Variants in TOGARAM2 observed in about 807,000 individuals in gnomAD.
TOGARAM2 encodes TOG array regulator of axonemal microtubules protein 2.
A neutral mutation model predicts 93.3 loss-of-function variants in TOGARAM2; 85 were observed. That is an observed-to-expected ratio of 0.91 (90% confidence interval 0.76 to 1.09). The LOEUF (loss-of-function observed/expected upper bound fraction) is 1.09, where lower values mean the gene tolerates loss of function less well. Ranked by LOEUF, TOGARAM2 falls within the 50% of genes least tolerant of loss-of-function variation. The pLI is 0.00. For missense variants in TOGARAM2, 1,277 were observed against 1,334.5 expected (o/e 0.96, Z 0.67); for synonymous variants, 593 against 552.8 (o/e 1.07, Z -1.02).
chr2:29,045,256 C>T, intron 18 of TOGARAM2, 68 bp from the exon 19 acceptor site: 2 of 1,346,560 alleles, frequency 1.5e-6, no homozygotes, highest in South Asian at 1.3e-5. Flanking sequence ...GTATGTGGCC[C>T]TGCAAACCCC....
At chr2:29,038,252 T>C (rs1017801500) in intron 18 of TOGARAM2, among the ~76,000 whole-genome samples, 2 of 152,142 alleles carry the variant, frequency 1.3e-5, no homozygotes, top group Non-Finnish European at 1.5e-5. Flanking sequence ...TTCTCCCTTC[T>C]GGGACAGGGC....
chr2:28,987,134 T>C (rs1162285404), intron 1 of TOGARAM2, among the ~76,000 whole-genome samples: 1 of 152,242 alleles, frequency 6.6e-6, no homozygotes, highest in Non-Finnish European at 1.5e-5. Context: ...AAAATGAAGA[T>C]GAAAATACAT....
In TOGARAM2 at chr2:29,022,182, C is replaced by T. The variant is rs202161483; in HGVS notation, c.1385C>T (p.Thr462Met). The T allele has an allele frequency of 5.7e-5, 92 of 1,614,008 alleles. No homozygotes were observed. In the East Asian group the frequency reaches 1.2e-3, roughly 22 times the overall value. Residue 462 changes from threonine (T) to methionine (M), a missense_variant, in exon 11 of 20, where the codon ACG becomes ATG. Coordinates refer to ENST00000379558, the MANE Select transcript of TOGARAM2 (RefSeq NM_199280.4). ...GCTAACTCATTACCTGCGGTGCTCACGTTGGGGTCTCCTGAATGGGAAGAA... is the reference window on the plus strand; with the variant it reads ...GCTAACTCATTACCTGCGGTGCTCATGTTGGGGTCTCCTGAATGGGAAGAA... ...ASANSLPAVL[T>M]LGSPEWEEEE...
Position 29,017,275 on chromosome 2 carries a change from T to C in TOGARAM2, c.1166T>C (p.Leu389Pro), listed in dbSNP as rs779592142. The C allele has an allele frequency of 6.2e-7, 1 of 1,612,016 alleles. No homozygotes were observed. The highest frequency in any genetic ancestry group is 2.2e-5 in the East Asian group (1 of 44,806). ...GGGCAGGAGCTCACTTCCCAGTGCC[T>C]GGGCTCCCAGAGAGCCTTCATGAAG... ...RTGQELTSQC[L>P]GSQRAFMKEG... Residue 389 changes from leucine (L) to proline (P), a missense_variant, in exon 9 of 20, where the codon CTG (leucine) becomes CCG (proline). Coordinates refer to ENST00000379558, the MANE Select transcript of TOGARAM2 (RefSeq NM_199280.4).
intron 18 of TOGARAM2, among the ~76,000 whole-genome samples, chr2:29,038,946 C>A (rs1666273688): frequency 6.6e-6 from 1 of 152,176 alleles, no homozygotes; most frequent in Non-Finnish European, 1.5e-5. Flanking sequence ...ACAAGGGGGA[C>A]TCATTGCCAG....
intron 1 of TOGARAM2, among the ~76,000 whole-genome samples, chr2:28,988,603 C>T (rs947503975): frequency 3.9e-5 from 6 of 152,164 alleles, no homozygotes; most frequent in Admixed American, 3.9e-4. Flanking sequence ...CTGAAAAATA[C>T]AGAGAACAAA....
rs1462129771 is a variant in TOGARAM2, at chr2:29,023,151, C to T, written c.1577C>T (p.Thr526Ile). Residue 526 changes from threonine (T) to isoleucine (I), a missense_variant, in exon 12 of 20, where the codon ACC (threonine) becomes ATC (isoleucine). Transcript: ENST00000379558. ...RLAACHSEVL[T>I]GKLHDVCLVV... is the part of the protein sequence containing the mutation. ...GCAGCCTGTCACTCAGAGGTCCTCACCGGGAAGCTGCACGACGTGTGCTTG... is the reference window on the plus strand; with the variant it reads ...GCAGCCTGTCACTCAGAGGTCCTCATCGGGAAGCTGCACGACGTGTGCTTG... 3 of 1,601,104 alleles carry T rather than the reference C, an allele frequency of 1.9e-6. No individual in the cohort carries two copies. The highest frequency in any genetic ancestry group is 3.4e-5 in the Admixed American group (2 of 58,088).
intron 1 of TOGARAM2, among the ~76,000 whole-genome samples, chr2:28,967,820 T>TC (rs1324200082): frequency 6.8e-6 from 1 of 148,074 alleles, no homozygotes; most frequent in Non-Finnish European, 1.5e-5. Flanking sequence ...TTTTTTTTTT[T>TC]TTTAGATGGA....
rs558490954 is a variant in TOGARAM2, at chr2:29,028,905, G to A, written c.2012+1894G>A. ...AATGAGGAATATCAGTGGAGAAGTG[G>A]AAGGTTTTGCTTACTCCTGCAAGAA... is the stretch of plus-strand genomic sequence containing the variant. On this transcript the variant is annotated intron_variant, in intron 14 of 19. Coordinates refer to ENST00000379558, the MANE Select transcript of TOGARAM2 (RefSeq NM_199280.4). Among the ~76,000 whole-genome samples the A allele has an allele frequency of 1.3e-4, 20 of 152,320 alleles. No individual in the cohort carries two copies. The East Asian group carries it at 3.9e-3, about 29-fold the overall frequency.
Position 29,036,667 on chromosome 2 carries a change from A to G in TOGARAM2, c.2545A>G (p.Ile849Val). ...ESLHPMLLSI[I>V]ITVADNLNSK... Reference sequence around the variant, plus strand: ...CTTACACCCCATGCTGCTCTCCATCATCATCACTGTTGCAGACAACCTCAA... The same window carrying G: ...CTTACACCCCATGCTGCTCTCCATCGTCATCACTGTTGCAGACAACCTCAA... Residue 849 changes from isoleucine to valine, a missense_variant, in exon 18 of 20, where the codon ATC becomes GTC. Coordinates refer to ENST00000379558, the MANE Select transcript of TOGARAM2 (RefSeq NM_199280.4). 1.9e-6 allele frequency: 3 copies of G among 1,613,928 alleles called. No homozygotes were observed. The highest frequency in any genetic ancestry group is 2.5e-6 in the Non-Finnish European group (3 of 1,179,874).
At chr2:29,019,873 C>A (rs1479787090) in intron 10 of TOGARAM2, among the ~76,000 whole-genome samples, 1 of 151,960 alleles carries the variant, frequency 6.6e-6, no homozygotes, top group Admixed American at 6.5e-5. Flanking sequence ...ACCTGCTTGT[C>A]CTCCTGATTC....
chr2:29,042,723 C>T (rs1359707341), intron 18 of TOGARAM2, among the ~76,000 whole-genome samples: 2 of 152,208 alleles, frequency 1.3e-5, no homozygotes, highest in African/African-American at 4.8e-5. Flanking sequence ...GGGCACAAGC[C>T]GTTTCCTAGC....
chr2:28,993,651 G>T (rs1322745480), intron 1 of TOGARAM2, among the ~76,000 whole-genome samples: 1 of 152,226 alleles, frequency 6.6e-6, no homozygotes, highest in African/African-American at 2.4e-5. Context: ...CATGTCTTGA[G>T]GTTCTAAGCA....
chr2:28,957,676 T>C (rs150173714), intron 1 of TOGARAM2, among the ~76,000 whole-genome samples: 43 of 152,240 alleles, frequency 2.8e-4, no homozygotes, highest in African/African-American at 9.9e-4. Flanking sequence ...TTGGGCAACA[T>C]TGATAAGGTT....
intron 2 of TOGARAM2, among the ~76,000 whole-genome samples, chr2:28,996,095 G>A (rs1225148973): frequency 6.6e-6 from 1 of 152,082 alleles, no homozygotes; most frequent in African/African-American, 2.4e-5. Flanking sequence ...GGAGAGGGAG[G>A]GCTTCTCTTT....
chr2:28,959,870 T>C (rs1347317352), intron 1 of TOGARAM2, among the ~76,000 whole-genome samples: 2 of 152,236 alleles, frequency 1.3e-5, no homozygotes. Context: ...TTAGGTGAAA[T>C]TGTGTCATTG....
At chr2:29,005,315 G>A (rs1468737957) in intron 6 of TOGARAM2, among the ~76,000 whole-genome samples, 1 of 122,066 alleles carries the variant, frequency 8.2e-6, no homozygotes, top group South Asian at 3.0e-4. Flanking sequence ...TGTGGGGTAT[G>A]TGTGCATGTG....
intron 1 of TOGARAM2, among the ~76,000 whole-genome samples, chr2:28,975,625 A>T (rs1019845094): frequency 6.6e-6 from 1 of 152,218 alleles, no homozygotes; most frequent in Non-Finnish European, 1.5e-5. Context: ...GCGCTGCATC[A>T]TTGATTGCCT....
chr2:29,045,242 G>A lies in TOGARAM2; in HGVS notation c.2636-82G>A, dbSNP rs538661828. ...AAGGCCTCATCCCCTTGCAGGTACT[G>A]TGGGTATGTGGCCCTGCAAACCCCT... On this transcript the variant is annotated intron_variant, in intron 18 of 19. Transcript: ENST00000379558. The A allele has an allele frequency of 8.2e-5, 89 of 1,080,078 alleles. No individual in the cohort carries two copies. The African/African-American group carries it at 1.2e-3, about 15-fold the overall frequency. 66.9% of individuals were successfully genotyped at this position (1,080,078 alleles called of 1,614,324 possible).
Sources: gnomAD v4.1 joint callset for allele counts (sites outside exome capture counted in the v4.1 genomes callset) on GRCh38, gnomAD v4.1.1 for gene constraint, MANE v1.5 for transcripts, NCBI Gene and HGNC (gene_info 2026-07-23, HGNC 2026-07-21) for gene names.